Variants in COL15A1 observed in about 807,000 individuals in gnomAD.
COL15A1 encodes collagen type XV alpha 1 chain.
COL15A1 carries 111 observed loss-of-function variants against 165.9 expected under a neutral mutation model. That is an observed-to-expected ratio of 0.67 (90% CI 0.57 to 0.78). The LOEUF (loss-of-function observed/expected upper bound fraction) is 0.78. Among genes scored for constraint, COL15A1 ranks in the 30% least tolerant of loss-of-function variants. The probability of loss-of-function intolerance (pLI) is 0.00; values close to 1 mark genes in which losing one functional copy is unlikely to be tolerated. For missense variants in COL15A1, 1,745 were observed against 1,789.7 expected, an observed-to-expected ratio of 0.98 and a Z score of 0.45; for synonymous variants, 659 against 674.8, an observed-to-expected ratio of 0.98 and a Z score of 0.36.
At chr9:98,947,260 C>G (rs956184659) in intron 2 of COL15A1, among the ~76,000 whole-genome samples, 1 of 151,802 alleles carries the variant, frequency 6.6e-6, no homozygotes, top group Non-Finnish European at 1.5e-5. Flanking sequence ...CATGGATAAA[C>G]CTTAATACCA....
intron 40 of COL15A1, 52 bp downstream of exon 40, chr9:99,067,119 G>A (rs752492670): frequency 6.8e-7 from 1 of 1,474,006 alleles, no homozygotes; most frequent in African/African-American, 1.4e-5. Flanking sequence ...GTCGCTACAG[G>A]GCCTGGAGGC....
rs201734908 is a variant in COL15A1 at position 99,024,268 on chromosome 9, G to GTTTTTTTTTTTTT, written c.1855-598_1855-597insTTTTTTTTTTTTT. On this transcript the variant is annotated intron_variant, in intron 14 of 41. Coordinates refer to ENST00000375001, the MANE Select transcript of COL15A1 (RefSeq NM_001855.5). Reference sequence around the variant, plus strand: ...TAAAAACAAGGCTACACCACAAGCAGTTTTTTTTGTTTTTTTGTTTTTTTT... The same window carrying GTTTTTTTTTTTTT: ...TAAAAACAAGGCTACACCACAAGCAGTTTTTTTTTTTTTTTTTTTTTGTTTTTTTGTTTTTTTT... 9.5e-4 allele frequency among the ~76,000 whole-genome samples: 125 copies of GTTTTTTTTTTTTT among 131,430 alleles called. 6 individuals are homozygous for GTTTTTTTTTTTTT. The highest frequency in any genetic ancestry group is 2.3e-3 in the East Asian group (10 of 4,376). The allele number at this position is 131,430 out of a possible 152,430, so 86.2% of individuals were successfully genotyped here. A position where few individuals can be genotyped will look rare whatever the true frequency, so the allele number is the denominator to read the frequency against.
intron 2 of COL15A1, among the ~76,000 whole-genome samples, chr9:98,962,993 A>G (rs75407204): frequency 0.023 from 3,517 of 152,252 alleles, 140 homozygotes; most frequent in African/African-American, 0.081. Context: ...AGAAGCTTTC[A>G]TTTCTCCATC....
intron 39 of COL15A1, among the ~76,000 whole-genome samples, chr9:99,065,599 G>A (rs931993284): frequency 1.3e-5 from 2 of 150,608 alleles, no homozygotes; most frequent in African/African-American, 4.9e-5. Flanking sequence ...GCCTGCTGGG[G>A]AAGCCTTGGC....
At chr9:99,056,436 C>A in intron 35 of COL15A1, 32 bp downstream of exon 35, 1 of 1,569,506 alleles carries the variant, frequency 6.4e-7, no homozygotes, top group Admixed American at 1.8e-5. Context: ...CTTGTTCATG[C>A]TGTCCCTACC....
chr9:98,947,125 C>A (rs1190972542), intron 2 of COL15A1, among the ~76,000 whole-genome samples: 2 of 151,780 alleles, frequency 1.3e-5, no homozygotes, highest in Non-Finnish European at 2.9e-5. Context: ...TTATAATGAC[C>A]AAAACTGGAA....
At chr9:98,976,605 G>A (rs936505814) in intron 2 of COL15A1, among the ~76,000 whole-genome samples, 2 of 152,170 alleles carry the variant, frequency 1.3e-5, no homozygotes, top group South Asian at 2.1e-4. Context: ...ACTGGAGCCC[G>A]ACCTCAGTGA....
rs968818510 is a variant in COL15A1 at position 98,974,212 on chromosome 9, G to C, written c.101-11353G>C. Among the ~76,000 whole-genome samples the C allele has an allele frequency of 3.9e-5, 6 of 152,202 alleles. No individual in the cohort carries two copies. The East Asian group carries it at 1.2e-3, about 29-fold the overall frequency. ...ATTGTGCAGCAATGGTCAGGTGGCC[G>C]TGAGTGGAGATGAGCAGGTGGAAGC... On this transcript the variant is annotated intron_variant, in intron 2 of 41. Transcript: ENST00000375001.
Position 99,044,599 on chromosome 9 carries a change from C to T in COL15A1, c.2606C>T (p.Thr869Ile), listed in dbSNP as rs892685007. 2 of 1,614,024 alleles carry T rather than the reference C, an allele frequency of 1.2e-6. No individual in the cohort carries two copies. The highest frequency in any genetic ancestry group is 2.7e-5 in the African/African-American group (2 of 74,914). ...AAGGGAGAGCCGGGTGCCATCCTGA[C>T]AGAGGACATTCCTCTGGAAAGGCTG... ...GEKGEPGAILTEDIPLERLMG... is the reference protein window; with the variant it reads ...GEKGEPGAILIEDIPLERLMG... Residue 869 changes from threonine to isoleucine, a missense_variant, in exon 25 of 42, where the codon ACA (threonine) becomes ATA (isoleucine). By Grantham distance (89) the Thr-to-Ile change is moderately conservative (BLOSUM62 -1). Coordinates refer to ENST00000375001, the MANE Select transcript of COL15A1 (RefSeq NM_001855.5).
At chr9:99,023,605 GC>G (rs1453606549) in intron 14 of COL15A1, among the ~76,000 whole-genome samples, 156 bp downstream of exon 14, 1 of 152,178 alleles carries the variant, frequency 6.6e-6, no homozygotes, top group Non-Finnish European at 1.5e-5. Flanking sequence ...TTTTCCTTGT[GC>G]TTGTATATAT....
chr9:99,006,515 C>T (rs1362618123), intron 9 of COL15A1, among the ~76,000 whole-genome samples: 1 of 152,182 alleles, frequency 6.6e-6, no homozygotes, highest in African/African-American at 2.4e-5. Context: ...TGCTGGGAGA[C>T]CTTGCAGTGT....
intron 2 of COL15A1, among the ~76,000 whole-genome samples, chr9:98,970,937 G>A (rs1355582750): frequency 1.3e-5 from 2 of 152,202 alleles, no homozygotes; most frequent in Non-Finnish European, 2.9e-5. Context: ...ATGAGTGTGT[G>A]TTATGAGTAT....
intron 2 of COL15A1, among the ~76,000 whole-genome samples, chr9:98,965,164 G>A (rs1037989497): frequency 4.6e-5 from 7 of 152,178 alleles, no homozygotes; most frequent in African/African-American, 7.2e-5. Flanking sequence ...CAACTGCCTA[G>A]GGCAGCAGCT....
At chr9:99,020,549 C>CAGATT in intron 12 of COL15A1, 107 bp downstream of exon 12, 1 of 781,210 alleles carries the variant, frequency 1.3e-6, no homozygotes, top group East Asian at 2.6e-5. Flanking sequence ...ATCGCAGAAG[C>CAGATT]AGCAAGAGGG....
At chr9:98,998,959 G>T (rs1413299) in intron 6 of COL15A1, among the ~76,000 whole-genome samples, 74,141 of 152,150 alleles carry the variant, frequency 0.49, 19,488 homozygotes, top group African/African-American at 0.69. Context: ...TGACACCATC[G>T]TGACCCGTGG....
intron 2 of COL15A1, among the ~76,000 whole-genome samples, chr9:98,983,200 G>C (rs368858345): frequency 6.6e-6 from 1 of 152,076 alleles, no homozygotes; most frequent in Non-Finnish European, 1.5e-5. Flanking sequence ...TGAGTGTTGC[G>C]GAGTTGAGAT....
intron 2 of COL15A1, among the ~76,000 whole-genome samples, chr9:98,960,738 C>T (rs1481116526): frequency 6.6e-6 from 1 of 152,204 alleles, no homozygotes; most frequent in Non-Finnish European, 1.5e-5. Context: ...AATAACGCCC[C>T]AAGCTCTTAG....
intron 23 of COL15A1, 34 bp from the exon 24 acceptor site, chr9:99,042,011 G>A (rs777950554): frequency 1.6e-5 from 23 of 1,427,096 alleles, no homozygotes; most frequent in South Asian, 1.5e-4. Flanking sequence ...TAATCTTAAC[G>A]AACAACCAAA....
chr9:99,045,869 C>T (rs1839484390), intron 26 of COL15A1, among the ~76,000 whole-genome samples: 2 of 152,216 alleles, frequency 1.3e-5, no homozygotes, highest in Admixed American at 1.3e-4. Context: ...GAAGTTGGAT[C>T]TCAGGTGTGG....
Sources: allele counts gnomAD v4.1 joint callset (sites outside exome capture counted in the v4.1 genomes callset), GRCh38; gene constraint gnomAD v4.1.1; transcripts MANE v1.5; gene names NCBI Gene and HGNC (gene_info 2026-07-23, HGNC 2026-07-21).